PEX14: variants seen among roughly 807,000 people sequenced by gnomAD.
The protein encoded by PEX14 is peroxisomal membrane protein PEX14.
PEX14 carries 15 observed loss-of-function variants against 49.5 expected under a neutral mutation model. That is an observed-to-expected ratio of 0.30 (90% CI 0.20 to 0.47). PEX14 has a LOEUF of 0.47. Among genes scored for constraint, PEX14 ranks in the 20% least tolerant of loss-of-function variants. The pLI is 1.00. For synonymous variants in PEX14, 210 were observed against 212.7 expected (o/e 0.99, Z 0.11); for missense variants, 398 against 494.8 (o/e 0.80, Z 1.86).
intron 3 of PEX14, among the ~76,000 whole-genome samples, chr1:10,578,088 T>C (rs1640204916): frequency 2.6e-5 from 4 of 152,054 alleles, no homozygotes; most frequent in Admixed American, 2.6e-4. Flanking sequence ...AGACTGTGTG[T>C]CGGGAAATTG....
At chr1:10,626,591 C>T (rs1641751430) in intron 7 of PEX14, among the ~76,000 whole-genome samples, 1 of 152,264 alleles carries the variant, frequency 6.6e-6, no homozygotes, top group Non-Finnish European at 1.5e-5. Context: ...CAGGGAACGT[C>T]CCCTCTGCCC....
chr1:10,530,506 TATTCCCCTCTTGCC>T (rs1027712233), intron 2 of PEX14, among the ~76,000 whole-genome samples: 11 of 152,232 alleles, frequency 7.2e-5, no homozygotes, highest in African/African-American at 2.2e-4. Context: ...ACCTCAAGGT[TATTCCCCTCTTGCC>T]ATTCCAGTGG....
At chr1:10,605,685 G>A (rs138745242) in intron 4 of PEX14, among the ~76,000 whole-genome samples, 12 of 152,336 alleles carry the variant, frequency 7.9e-5, no homozygotes, top group Middle Eastern at 3.4e-3. Context: ...AATAGCAAAT[G>A]TCGCCTCCAC....
intron 1 of PEX14, among the ~76,000 whole-genome samples, chr1:10,487,013 A>AG (rs1333178832): frequency 1.3e-5 from 2 of 152,102 alleles, no homozygotes; most frequent in East Asian, 3.9e-4. Flanking sequence ...AAAAAAAAAA[A>AG]ATTATTTTTG....
rs925904394 is a variant in PEX14 at position 10,536,111 on chromosome 1, A to G, written c.85-102A>G. The stretch of plus-strand genomic sequence containing the variant: ...TGGTTATAAATTTGACCACAATAGT[A>G]TGCTTGTCTCTGTGGAGCTGGGAAA... On this transcript the variant is annotated intron_variant, in intron 2 of 8. Transcript: ENST00000356607. 39 of 790,882 alleles carry G rather than the reference A, an allele frequency of 4.9e-5. No individual in the cohort carries two copies. In the South Asian group the frequency reaches 5.3e-4, roughly 11 times the overall value. 49.0% of individuals were successfully genotyped at this position (790,882 alleles called of 1,614,324 possible). A position where few individuals can be genotyped will look rare whatever the true frequency, so the allele number is the denominator to read the frequency against.
chr1:10,497,279 C>T (rs999626432), intron 2 of PEX14, among the ~76,000 whole-genome samples: 3 of 152,144 alleles, frequency 2.0e-5, no homozygotes, highest in Non-Finnish European at 2.9e-5. Context: ...GCTGAGGACT[C>T]GTGTGGCAGG....
chr1:10,507,763 A>G (rs72869155), intron 2 of PEX14, among the ~76,000 whole-genome samples: 1 of 152,228 alleles, frequency 6.6e-6, no homozygotes, highest in Non-Finnish European at 1.5e-5. Flanking sequence ...AGAAAATACA[A>G]TATCCAGGAT....
At chr1:10,569,076 C>A (rs10779744) in intron 3 of PEX14, among the ~76,000 whole-genome samples, 93,500 of 151,898 alleles carry the variant, frequency 0.62, 30,021 homozygotes, top group Admixed American at 0.7. Context: ...AGTTTATTTT[C>A]GTAGTATTGG....
intron 3 of PEX14, among the ~76,000 whole-genome samples, chr1:10,537,353 C>A: frequency 9.7e-6 from 1 of 103,344 alleles, no homozygotes; most frequent in Non-Finnish European, 2.2e-5. Context: ...CCCCCCCCCC[C>A]GCCATCATTA....
chr1:10,591,247 C>T (rs1172184900), intron 3 of PEX14, among the ~76,000 whole-genome samples: 1 of 152,158 alleles, frequency 6.6e-6, no homozygotes, highest in Non-Finnish European at 1.5e-5. Flanking sequence ...CTTTTAAAAA[C>T]ACATTAAAAA....
intron 4 of PEX14, among the ~76,000 whole-genome samples, chr1:10,616,317 T>G (rs1282414810): frequency 6.6e-6 from 1 of 152,018 alleles, no homozygotes. Flanking sequence ...GGCCTTCTCC[T>G]CCCCTGTGGT....
rs567604798 is a variant in PEX14 at position 10,509,658 on chromosome 1, C to T, written c.84+14337C>T. 5.3e-5 allele frequency among the ~76,000 whole-genome samples: 8 copies of T among 152,226 alleles called. No homozygotes were observed. The East Asian group carries it at 9.7e-4, about 18-fold the overall frequency. ...GCAGAGCTAATGCCGGCTGGAGGAA[C>T]GCTGCCGTGTTTGTTTTTGCAGTTC... is the stretch of plus-strand genomic sequence containing the variant. On this transcript the variant is annotated intron_variant, in intron 2 of 8. Coordinates refer to ENST00000356607, the MANE Select transcript of PEX14 (RefSeq NM_004565.3).
chr1:10,476,590 C>T (rs144792494), intron 1 of PEX14, among the ~76,000 whole-genome samples: 1 of 152,006 alleles, frequency 6.6e-6, no homozygotes, highest in Non-Finnish European at 1.5e-5. Flanking sequence ...CTCCCGGGTT[C>T]GAGCAATTCT....
chr1:10,508,652 A>G (rs1315940959), intron 2 of PEX14, among the ~76,000 whole-genome samples: 5 of 152,184 alleles, frequency 3.3e-5, no homozygotes. Context: ...TGGCTGAGGC[A>G]GGTGCCCAGG....
At chr1:10,600,158 G>A (rs924296400) in intron 4 of PEX14, among the ~76,000 whole-genome samples, 3 of 152,238 alleles carry the variant, frequency 2.0e-5, no homozygotes, top group Non-Finnish European at 4.4e-5. Flanking sequence ...GTTGGCTCAC[G>A]CCTCTAATCC....
intron 1 of PEX14, among the ~76,000 whole-genome samples, chr1:10,479,407 G>C (rs1641246981): frequency 6.6e-6 from 1 of 151,826 alleles, no homozygotes; most frequent in South Asian, 2.1e-4. Flanking sequence ...GAGAGAGAAA[G>C]TGCTGAGATT....
chr1:10,560,318 A>G (rs1220057454), intron 3 of PEX14, among the ~76,000 whole-genome samples: 1 of 152,172 alleles, frequency 6.6e-6, no homozygotes, highest in Non-Finnish European at 1.5e-5. Flanking sequence ...GGGCTTCCCA[A>G]AGTGCTGGGA....
intron 3 of PEX14, among the ~76,000 whole-genome samples, chr1:10,563,843 C>T (rs913908887): frequency 6.6e-6 from 1 of 151,612 alleles, no homozygotes; most frequent in Non-Finnish European, 1.5e-5. Flanking sequence ...ACCCAGGAGG[C>T]GGGGCTTGCA....
At chr1:10,526,068 C>T (rs1261783028) in intron 2 of PEX14, among the ~76,000 whole-genome samples, 1 of 151,318 alleles carries the variant, frequency 6.6e-6, no homozygotes, top group Admixed American at 6.6e-5. Context: ...ACTATAGGTG[C>T]GTGCTGCCAC....
Sources: gnomAD v4.1 joint callset for allele counts (sites outside exome capture counted in the v4.1 genomes callset) on GRCh38, gnomAD v4.1.1 for gene constraint, MANE v1.5 for transcripts, NCBI Gene and HGNC (gene_info 2026-07-23, HGNC 2026-07-21) for gene names.